The following SCARA5 variants were observed in gnomAD, a reference collection of about 807,000 sequenced individuals.
SCARA5 encodes scavenger receptor class A, member 5 (putative).
A neutral mutation model predicts 46.3 loss-of-function variants in SCARA5; 45 were observed. The observed-to-expected ratio is 0.97, with a 90% confidence interval of 0.76 to 1.24. The LOEUF (loss-of-function observed/expected upper bound fraction) is 1.24. SCARA5 is among the 50% of genes most tolerant of loss of function. The pLI, the probability that SCARA5 is intolerant of heterozygous loss-of-function variation, is 0.00. For missense variants in SCARA5, 680 were observed against 689.0 expected (o/e 0.99, Z 0.15); for synonymous variants, 333 against 306.5 (o/e 1.09, Z -0.90).
At chr8:27,926,422 G>A (rs1807681174) in intron 3 of SCARA5, among the ~76,000 whole-genome samples, 1 of 151,622 alleles carries the variant, frequency 6.6e-6, no homozygotes. Context: ...ACAGTGCAGG[G>A]AACATCACAC....
chr8:27,979,893 C>A (rs1014028414), intron 2 of SCARA5, among the ~76,000 whole-genome samples: 3 of 152,148 alleles, frequency 2.0e-5, no homozygotes, highest in African/African-American at 7.2e-5. Flanking sequence ...CCACACAAAG[C>A]CATCCCCACA....
chr8:27,888,145 C>A (rs564677838), intron 7 of SCARA5, among the ~76,000 whole-genome samples: 154 of 152,172 alleles, frequency 1.0e-3, no homozygotes, highest in Non-Finnish European at 1.4e-3. Flanking sequence ...CAACCTCTGT[C>A]CCCCAGGCTC....
chr8:27,975,766 C>T (rs554636597), intron 2 of SCARA5, among the ~76,000 whole-genome samples: 1 of 152,132 alleles, frequency 6.6e-6, no homozygotes, highest in Non-Finnish European at 1.5e-5. Flanking sequence ...TGCTGCATCC[C>T]AGGCCTGAGT....
intron 7 of SCARA5, chr8:27,904,525 C>T (rs1454672016): frequency 1.8e-5 from 10 of 559,134 alleles, no homozygotes; most frequent in African/African-American, 7.5e-5. Context: ...AGCGAGTGAC[C>T]GGGGGAAGCC....
At chr8:27,931,325 T>C (rs547243354) in intron 3 of SCARA5, among the ~76,000 whole-genome samples, 1 of 152,300 alleles carries the variant, frequency 6.6e-6, no homozygotes, top group South Asian at 2.1e-4. Context: ...GAATTTGTGT[T>C]TTCTCAGGGA....
intron 6 of SCARA5, 107 bp downstream of exon 6, chr8:27,907,041 G>A (rs1451438978): frequency 1.8e-5 from 13 of 715,472 alleles, no homozygotes; most frequent in East Asian, 5.7e-5. Flanking sequence ...AGGTTGCCCC[G>A]CTGGTCCGTG....
At chr8:27,919,896 G>A (rs1807553704) in intron 4 of SCARA5, among the ~76,000 whole-genome samples, 1 of 149,050 alleles carries the variant, frequency 6.7e-6, no homozygotes, top group South Asian at 2.2e-4. Flanking sequence ...ACACATACTA[G>A]ATGCTCGCAA....
rs1240171870 is a variant in SCARA5, at chr8:27,870,182, T to C, written c.*1752A>G. The C allele has an allele frequency of 6.6e-6, 1 of 152,030 alleles. No individual in the cohort carries two copies. Among genetic ancestry groups the C allele is most frequent in the African/African-American group, 2.4e-5 (1 of 41,396 alleles). The allele number at this position is 152,030 out of a possible 1,614,324, so 9.4% of individuals were successfully genotyped here. ...CTTTGCCAGAACCGGGTTGGGAATT[T>C]AGTTTGTTCAATGTGGCATCTTTCA... On this transcript the variant is annotated 3_prime_UTR_variant, in exon 9 of 9. Coordinates refer to ENST00000354914, the MANE Select transcript of SCARA5 (RefSeq NM_173833.6).
intron 3 of SCARA5, among the ~76,000 whole-genome samples, chr8:27,959,845 T>G (rs1808267423): frequency 6.6e-6 from 1 of 152,154 alleles, no homozygotes; most frequent in Admixed American, 6.5e-5. Context: ...AAGCTAAGCA[T>G]CTCCGTGCCA....
chr8:27,926,697 GT>G (rs1320342381), intron 3 of SCARA5, among the ~76,000 whole-genome samples: 2 of 152,278 alleles, frequency 1.3e-5, no homozygotes, highest in East Asian at 3.9e-4. Context: ...ATTTAGTGCA[GT>G]TTGATCTCAA....
At chr8:27,944,415 C>A (rs558141490) in intron 3 of SCARA5, among the ~76,000 whole-genome samples, 40 of 152,042 alleles carry the variant, frequency 2.6e-4, no homozygotes, top group African/African-American at 9.7e-4. Context: ...TCAAATGGTT[C>A]CACAAAAATT....
intron 1 of SCARA5, among the ~76,000 whole-genome samples, chr8:27,989,922 G>A (rs1456233713): frequency 1.3e-5 from 2 of 152,244 alleles, no homozygotes; most frequent in East Asian, 1.9e-4. Context: ...CACTCCTTGC[G>A]GGGCTGTGAA....
intron 2 of SCARA5, 101 bp downstream of exon 2, chr8:27,987,403 C>T (rs1808719981): frequency 3.9e-6 from 3 of 774,708 alleles, no homozygotes; most frequent in Non-Finnish European, 4.6e-6. Context: ...ATGAGGAGGT[C>T]ACAAGCACTT....
intron 2 of SCARA5, among the ~76,000 whole-genome samples, chr8:27,978,299 G>A (rs1434911020): frequency 6.6e-6 from 1 of 151,668 alleles, no homozygotes; most frequent in East Asian, 1.9e-4. Flanking sequence ...CCAAAATGCT[G>A]GGATTACAGG....
chr8:27,879,872 T>C, intron 7 of SCARA5, 106 bp from the exon 8 acceptor site: 1 of 1,081,586 alleles, frequency 9.2e-7, no homozygotes, highest in Non-Finnish European at 1.3e-6. Flanking sequence ...AAGAGAGGGC[T>C]GGGGCCCAGC....
chr8:27,935,878 T>C (rs1807847343), intron 3 of SCARA5, among the ~76,000 whole-genome samples: 2 of 152,174 alleles, frequency 1.3e-5, no homozygotes, highest in South Asian at 4.1e-4. Context: ...GGGGAGGTCC[T>C]GGGGACATTC....
chr8:27,894,333 A>G (rs1807028440), intron 7 of SCARA5, among the ~76,000 whole-genome samples: 1 of 152,216 alleles, frequency 6.6e-6, no homozygotes, highest in Non-Finnish European at 1.5e-5. Flanking sequence ...CTCAGGCTGA[A>G]TGCTTAAGAC....
intron 8 of SCARA5, among the ~76,000 whole-genome samples, chr8:27,878,556 A>G (rs1347796480): frequency 1.3e-5 from 2 of 152,198 alleles, no homozygotes; most frequent in African/African-American, 2.4e-5. Flanking sequence ...CAGTGTGTCA[A>G]AAGGAAAGCA....
At chr8:27,919,102 AGAGGAG>A (rs1259493543) in intron 4 of SCARA5, among the ~76,000 whole-genome samples, 1 of 18,040 alleles carries the variant, frequency 5.5e-5, no homozygotes, top group Non-Finnish European at 1.3e-4. Context: ...AGGAGAAGGA[AGAGGAG>A]GAGGAGGAGA....
Sources: allele counts gnomAD v4.1 joint callset (sites outside exome capture counted in the v4.1 genomes callset), GRCh38; gene constraint gnomAD v4.1.1; transcripts MANE v1.5; gene names NCBI Gene and HGNC (gene_info 2026-07-23, HGNC 2026-07-21).